Variants in TNNI3K observed in about 807,000 individuals in gnomAD.
The protein encoded by TNNI3K is TNNI3 interacting kinase, also known as serine/threonine-protein kinase TNNI3K.
Under a neutral mutation model 114.5 loss-of-function variants are expected in TNNI3K, and 140 were observed. The observed-to-expected ratio is 1.22, with a 90% CI of 1.07 to 1.41. The LOEUF (loss-of-function observed/expected upper bound fraction) is 1.41, where lower values mean the gene tolerates loss of function less well. TNNI3K is among the 40% of genes most tolerant of loss of function. TNNI3K has a pLI of 0.00. For synonymous variants in TNNI3K, 347 were observed against 347.5 expected (o/e 1.00, Z 0.02); for missense variants, 1,125 against 1,007.6 (o/e 1.12, Z -1.58).
intron 17 of TNNI3K, among the ~76,000 whole-genome samples, chr1:74,405,335 C>T (rs574123395): frequency 4.6e-5 from 7 of 151,986 alleles, no homozygotes; most frequent in Non-Finnish European, 1.0e-4. Context: ...TGCCAAAATA[C>T]GCAGGGTGGT....
chr1:74,250,676 G>T lies in TNNI3K; in HGVS notation c.240G>T (p.Lys80Asn), dbSNP rs200196531. 1.2e-6 allele frequency: 2 copies of T among 1,608,896 alleles called. No individual in the cohort carries two copies. The highest frequency in any genetic ancestry group is 8.5e-7 in the Non-Finnish European group (1 of 1,178,544). ...TTTTTCATTTTTCTCTTTAAGGCAA[G>T]AAATCACATATTCGAACTCTTATGT... ...LLHLCCICGG[K>N]KSHIRTLMLK... is the part of the protein sequence containing the mutation. The change falls in exon 4 of 25, where the codon AAG becomes AAT. Residue 80 changes from lysine (K) to asparagine (N), a missense_variant. Physicochemically the swap from Lys to Asn is moderately conservative, Grantham distance 94 (BLOSUM62 0). Transcript: ENST00000326637.
chr1:74,436,732 G>C (rs1243996957), intron 19 of TNNI3K, among the ~76,000 whole-genome samples: 1 of 151,762 alleles, frequency 6.6e-6, no homozygotes, highest in Non-Finnish European at 1.5e-5. Flanking sequence ...ATATATATTT[G>C]GAAAACAGTA....
At chr1:74,390,482 A>G (rs1025833663) in intron 17 of TNNI3K, among the ~76,000 whole-genome samples, 11 of 152,182 alleles carry the variant, frequency 7.2e-5, no homozygotes, top group Non-Finnish European at 1.5e-4. Flanking sequence ...GAAGTGATAT[A>G]TTCATTGAGG....
At chr1:74,427,632 A>G (rs1665701098) in intron 17 of TNNI3K, among the ~76,000 whole-genome samples, 1 of 152,124 alleles carries the variant, frequency 6.6e-6, no homozygotes, top group Non-Finnish European at 1.5e-5. Flanking sequence ...AACAAATTAT[A>G]TATAATGAAT....
At chr1:74,486,201 A>AAGAGAGAG (rs58506314) in intron 21 of TNNI3K, among the ~76,000 whole-genome samples, 4,810 of 136,428 alleles carry the variant, frequency 0.035, 105 homozygotes, top group East Asian at 0.062. Flanking sequence ...AAATGCTATA[A>AAGAGAGAG]AGAGAGAGAG....
intron 21 of TNNI3K, chr1:74,475,734 T>C (rs1288708860): frequency 5.9e-6 from 4 of 680,950 alleles, no homozygotes; most frequent in Non-Finnish European, 1.1e-5. Flanking sequence ...GGTTTTCTGA[T>C]GTGTGTTCAT....
intron 23 of TNNI3K, among the ~76,000 whole-genome samples, chr1:74,521,441 T>C (rs1375077248): frequency 6.6e-6 from 1 of 152,184 alleles, no homozygotes; most frequent in African/African-American, 2.4e-5. Flanking sequence ...GAAATATGTA[T>C]TCTAATGCAA....
At chr1:74,503,495 C>T (rs1669738578) in intron 23 of TNNI3K, among the ~76,000 whole-genome samples, 1 of 152,100 alleles carries the variant, frequency 6.6e-6, no homozygotes, top group Non-Finnish European at 1.5e-5. Context: ...CTTTCTTACT[C>T]AGTGACACTG....
At chr1:74,498,726 T>TC (rs1557608519) in intron 23 of TNNI3K, among the ~76,000 whole-genome samples, 67 of 152,218 alleles carry the variant, frequency 4.4e-4, no homozygotes, top group African/African-American at 1.6e-3. Flanking sequence ...TTTTCCAGTC[T>TC]TCCCCCCGAC....
chr1:74,298,775 T>A (rs923104371), intron 5 of TNNI3K, among the ~76,000 whole-genome samples: 6 of 152,116 alleles, frequency 3.9e-5, no homozygotes, highest in Admixed American at 3.9e-4. Flanking sequence ...CATGTAGACA[T>A]CTCATGGCTA....
At chr1:74,510,316 C>T (rs775892140) in intron 23 of TNNI3K, among the ~76,000 whole-genome samples, 10 of 152,056 alleles carry the variant, frequency 6.6e-5, no homozygotes, top group Non-Finnish European at 1.2e-4. Flanking sequence ...ACCATCCTGG[C>T]TAACATGGTG....
intron 17 of TNNI3K, among the ~76,000 whole-genome samples, chr1:74,396,656 C>T (rs981669411): frequency 3.3e-5 from 5 of 152,240 alleles, no homozygotes; most frequent in Admixed American, 2.0e-4. Context: ...ATGCACATCC[C>T]GGATGGGATA....
Position 74,491,217 on chromosome 1 carries a change from T to TTTTG in TNNI3K, c.2182-864_2182-861dup, listed in dbSNP as rs563665454. ...GATAATTAGGGTGAGTCCAACAGGT[T>TTTTG]TTTGTTTGTTTGTTTGTTTTTGAGA... On this transcript the variant is annotated intron_variant, in intron 22 of 24. Transcript: ENST00000326637. 1.2e-4 allele frequency among the ~76,000 whole-genome samples: 18 copies of TTTTG among 151,742 alleles called. No homozygotes were observed. The South Asian group carries it at 1.5e-3, about 12-fold the overall frequency.
chr1:74,520,995 T>C (rs1646424580), intron 23 of TNNI3K, among the ~76,000 whole-genome samples: 1 of 152,158 alleles, frequency 6.6e-6, no homozygotes. Flanking sequence ...GTAGGGGTCC[T>C]ATCTGTGGGA....
intron 4 of TNNI3K, among the ~76,000 whole-genome samples, chr1:74,252,506 T>C (rs1006392375): frequency 5.3e-5 from 8 of 152,236 alleles, no homozygotes; most frequent in African/African-American, 1.9e-4. Context: ...AATTGGTGGA[T>C]TCTTGGTCTC....
chr1:74,367,431 G>C, intron 12 of TNNI3K, 89 bp downstream of exon 12: 1 of 1,411,416 alleles, frequency 7.1e-7, no homozygotes, highest in Non-Finnish European at 9.8e-7. Context: ...ATTCTTTCAG[G>C]GGTTAGGGAG....
intron 5 of TNNI3K, among the ~76,000 whole-genome samples, chr1:74,285,041 A>G (rs1306646520): frequency 6.6e-6 from 1 of 152,256 alleles, no homozygotes; most frequent in Non-Finnish European, 1.5e-5. Context: ...TCAGAAATAT[A>G]AAGATTATTC....
At position 74,343,174 on chromosome 1, in the gene TNNI3K, T is replaced by C; in HGVS notation, c.927T>C (p.Phe309=). 1 of 1,610,216 alleles carries C rather than the reference T, an allele frequency of 6.2e-7. No individual in the cohort carries two copies. Among genetic ancestry groups the C allele is most frequent in the Non-Finnish European group, 8.5e-7 (1 of 1,178,182 alleles). ...TKENIFSETA[F]HSACTYGKSI... is the part of the protein sequence containing the mutation. ...AAAACATCTTCAGTGAAACAGCTTT[T>C]CATAGGTAAAAGAATATTTAAGTGC... Residue 309 remains phenylalanine, a synonymous_variant, in exon 9 of 25, where the codon TTT becomes TTC. Coordinates refer to ENST00000326637, the MANE Select transcript of TNNI3K (RefSeq NM_015978.3).
intron 5 of TNNI3K, 128 bp from the exon 6 acceptor site, chr1:74,331,322 G>A: frequency 2.3e-6 from 2 of 851,622 alleles, no homozygotes; most frequent in Non-Finnish European, 3.5e-6. Context: ...TGGATAAGGT[G>A]GATGGAAGAA....
Sources: allele counts gnomAD v4.1 joint callset (sites outside exome capture counted in the v4.1 genomes callset), GRCh38; gene constraint gnomAD v4.1.1; transcripts MANE v1.5; gene names NCBI Gene and HGNC (gene_info 2026-07-23, HGNC 2026-07-21).